Variants in CACNA1E observed in about 807,000 individuals in gnomAD.
CACNA1E encodes voltage-dependent R-type calcium channel subunit alpha-1E.
A neutral mutation model predicts 259.2 loss-of-function variants in CACNA1E; 40 were observed. That is an observed-to-expected ratio of 0.15 (90% CI 0.12 to 0.20). The LOEUF is 0.20. Among genes scored for constraint, CACNA1E ranks in the 10% least tolerant of loss-of-function variants. The pLI, the probability that CACNA1E is intolerant of heterozygous loss-of-function variation, is 1.00. For synonymous variants in CACNA1E, 1,104 were observed against 1,138.5 expected (o/e 0.97, Z 0.61); for missense variants, 1,874 against 3,040.1 (o/e 0.62, Z 9.02).
chr1:181,332,828 A>G (rs1651391451), intron 1 of CACNA1E, among the ~76,000 whole-genome samples: 1 of 152,220 alleles, frequency 6.6e-6, no homozygotes, highest in South Asian at 2.1e-4. Context: ...GCACACTCCA[A>G]ATGCTGATAT....
chr1:181,473,202 A>G (rs1385592960), intron 2 of CACNA1E, among the ~76,000 whole-genome samples: 1 of 151,988 alleles, frequency 6.6e-6, no homozygotes, highest in Non-Finnish European at 1.5e-5. Context: ...GAACTCCCTT[A>G]CTGACCTCTC....
intron 6 of CACNA1E, among the ~76,000 whole-genome samples, chr1:181,641,996 G>A (rs1025866678): frequency 1.3e-5 from 2 of 152,072 alleles, no homozygotes; most frequent in African/African-American, 2.4e-5. Flanking sequence ...ACAGGCGTGA[G>A]CCACCGCGCC....
In CACNA1E at chr1:181,802,207, T is replaced by C. The variant is rs1284466943; in HGVS notation, c.*3373T>C. The C allele has an allele frequency of 6.6e-6, 1 of 152,272 alleles. No homozygotes were observed. Among genetic ancestry groups the C allele is most frequent in the African/African-American group, 2.4e-5 (1 of 41,450 alleles). The allele number at this position is 152,272 out of a possible 1,614,324, so 9.4% of individuals were successfully genotyped here. A position where few individuals can be genotyped will look rare whatever the true frequency, so the allele number is the denominator to read the frequency against. On this transcript the variant is annotated 3_prime_UTR_variant, in exon 48 of 48. Coordinates refer to ENST00000367573, the MANE Select transcript of CACNA1E (RefSeq NM_001205293.3). ...CATGAGTCATGAACACAATTGTCAG[T>C]GGGGGTCTCTGCTGCTCTTCTGGCT...
At chr1:181,628,403 G>T (rs769651847) in intron 6 of CACNA1E, among the ~76,000 whole-genome samples, 3 of 152,204 alleles carry the variant, frequency 2.0e-5, no homozygotes, top group Non-Finnish European at 4.4e-5. Context: ...CTCATTGCCA[G>T]TGCCTTCTCT....
intron 5 of CACNA1E, among the ~76,000 whole-genome samples, chr1:181,580,173 C>T (rs1053711322): frequency 6.6e-6 from 1 of 152,012 alleles, no homozygotes; most frequent in Non-Finnish European, 1.5e-5. Flanking sequence ...GGAGTTAAAC[C>T]CCCCTAAAAG....
In CACNA1E at chr1:181,681,482, T is replaced by C. The variant is rs1384897291; in HGVS notation, c.1056-29472T>C. 4.6e-5 allele frequency among the ~76,000 whole-genome samples: 7 copies of C among 152,198 alleles called. No homozygotes were observed. The East Asian group carries it at 1.3e-3, about 29-fold the overall frequency. ...CCCATCCTCCTGTTTATTTCCAGTA[T>C]CCTTGATCCTGTCACACCCAGGTTT... On this transcript the variant is annotated intron_variant, in intron 7 of 47. Transcript: ENST00000367573.
chr1:181,543,338 G>A (rs1470736412), intron 3 of CACNA1E, among the ~76,000 whole-genome samples: 1 of 152,170 alleles, frequency 6.6e-6, no homozygotes, highest in Non-Finnish European at 1.5e-5. Flanking sequence ...AGAGCTTAAA[G>A]AATGAACATG....
At chr1:181,511,559 G>A in intron 3 of CACNA1E, 49 bp downstream of exon 3, 2 of 1,599,702 alleles carry the variant, frequency 1.3e-6, no homozygotes, top group Non-Finnish European at 8.5e-7. Flanking sequence ...AAGGGGGTTG[G>A]TATCATGAGG....
At chr1:181,710,561 A>G (rs1271698727) in intron 7 of CACNA1E, among the ~76,000 whole-genome samples, 2 of 150,476 alleles carry the variant, frequency 1.3e-5, no homozygotes, top group Non-Finnish European at 3.0e-5. Flanking sequence ...ATTGGTCAAT[A>G]TACGTTAATC....
At chr1:181,705,148 G>C (rs1294695918) in intron 7 of CACNA1E, among the ~76,000 whole-genome samples, 2 of 152,176 alleles carry the variant, frequency 1.3e-5, no homozygotes, top group African/African-American at 4.8e-5. Context: ...TGTAGCAGTG[G>C]CTCCTTATAG....
chr1:181,454,927 G>A (rs373250914), intron 2 of CACNA1E, among the ~76,000 whole-genome samples: 1 of 152,196 alleles, frequency 6.6e-6, no homozygotes, highest in Non-Finnish European at 1.5e-5. Context: ...ATGATTAAAT[G>A]TTAAATGAGA....
chr1:181,777,333 C>T (rs1300141401), intron 38 of CACNA1E, among the ~76,000 whole-genome samples: 1 of 152,212 alleles, frequency 6.6e-6, no homozygotes, highest in Non-Finnish European at 1.5e-5. Flanking sequence ...CAGGCATGGA[C>T]CAAGTTGCTT....
In CACNA1E at chr1:181,382,787, T is replaced by C. The variant is rs531302476; in HGVS notation, c.-14-30346T>C. On this transcript the variant is annotated intron_variant, in intron 1 of 11. Transcript: ENST00000524607. ...TTTAAGGGCATGGCTTGACCCAACCTTTAGCTCAGCCCATTGCTCAGGTGC... is the reference window on the plus strand; with the variant it reads ...TTTAAGGGCATGGCTTGACCCAACCCTTAGCTCAGCCCATTGCTCAGGTGC... Among the ~76,000 whole-genome samples the C allele has an allele frequency of 5.6e-4, 86 of 152,326 alleles. 1 individual carries two copies. Among genetic ancestry groups the C allele is most frequent in the Admixed American group, 9.8e-4 (15 of 15,308 alleles).
At chr1:181,432,974 A>AT (rs1247464355) in intron 2 of CACNA1E, among the ~76,000 whole-genome samples, 4 of 152,188 alleles carry the variant, frequency 2.6e-5, no homozygotes, top group African/African-American at 7.2e-5. Flanking sequence ...AGTATTTTAC[A>AT]TTTTTTTGCA....
intron 6 of CACNA1E, among the ~76,000 whole-genome samples, chr1:181,598,770 C>A (rs1653448342): frequency 6.6e-6 from 1 of 152,096 alleles, no homozygotes; most frequent in South Asian, 2.1e-4. Context: ...CTCCTTTGGT[C>A]TTTTACTGTG....
intron 1 of CACNA1E, among the ~76,000 whole-genome samples, chr1:181,366,452 G>T (rs1343388565): frequency 6.6e-6 from 1 of 152,166 alleles, no homozygotes; most frequent in East Asian, 1.9e-4. Flanking sequence ...ACTTTGAGGG[G>T]TCCTGTTGTA....
intron 3 of CACNA1E, among the ~76,000 whole-genome samples, chr1:181,521,175 G>C (rs534084678): frequency 6.6e-6 from 1 of 152,344 alleles, no homozygotes; most frequent in East Asian, 1.9e-4. Flanking sequence ...ACAGTGACTA[G>C]GAGGCAGAGT....
chr1:181,765,295 T>C (rs1013743852), intron 34 of CACNA1E, among the ~76,000 whole-genome samples: 4 of 152,014 alleles, frequency 2.6e-5, no homozygotes, highest in African/African-American at 9.7e-5. Flanking sequence ...TCTCCCTACA[T>C]TGGGAGTAGG....
chr1:181,748,977 A>C (rs1402597783), intron 25 of CACNA1E, among the ~76,000 whole-genome samples: 1 of 152,196 alleles, frequency 6.6e-6, no homozygotes, highest in Non-Finnish European at 1.5e-5. Context: ...GCTGGGGAAG[A>C]TATTTCTGTC....
Sources: allele counts gnomAD v4.1 joint callset (sites outside exome capture counted in the v4.1 genomes callset), GRCh38; gene constraint gnomAD v4.1.1; transcripts MANE v1.5; gene names NCBI Gene and HGNC (gene_info 2026-07-23, HGNC 2026-07-21).